Variants in SORCS2 observed in about 807,000 individuals in gnomAD.
SORCS2 encodes VPS10 domain-containing receptor SorCS2.
A neutral mutation model predicts 141.6 loss-of-function variants in SORCS2; 100 were observed. That is an observed-to-expected ratio of 0.71 (90% CI 0.60 to 0.83). SORCS2 has a LOEUF of 0.83. SORCS2 is among the 40% of genes least tolerant of loss of function. The probability of loss-of-function intolerance (pLI) is 0.00; values close to 1 mark genes in which losing one functional copy is unlikely to be tolerated. For synonymous variants in SORCS2, 789 were observed against 676.9 expected, an observed-to-expected ratio of 1.17 and a Z score of -2.57; for missense variants, 1,646 against 1,560.2, an observed-to-expected ratio of 1.05 and a Z score of -0.93.
At chr4:7,662,214 CT>C in intron 6 of SORCS2, among the ~76,000 whole-genome samples, 1 of 148,298 alleles carries the variant, frequency 6.7e-6, no homozygotes, top group African/African-American at 2.5e-5. Context: ...CTAGGTGTGG[CT>C]CCCCACCCTC....
chr4:7,727,245 CTT>C lies in SORCS2; in HGVS notation c.2869+343_2869+344del, dbSNP rs1285427130. 3.3e-5 allele frequency among the ~76,000 whole-genome samples: 5 copies of C among 152,370 alleles called. No homozygotes were observed. The East Asian group carries it at 9.6e-4, about 29-fold the overall frequency. On this transcript the variant is annotated intron_variant, in intron 21 of 26. Coordinates refer to ENST00000507866, the MANE Select transcript of SORCS2 (RefSeq NM_020777.3). ...TGCCTGCCTCCAGGGCCCCTGTCCTCTTGGCACCTCTGGCCAAGCCTGAGCAT... is the reference window on the plus strand; with the variant it reads ...TGCCTGCCTCCAGGGCCCCTGTCCTCGGCACCTCTGGCCAAGCCTGAGCAT...
At chr4:7,597,688 T>C (rs73216618) in intron 3 of SORCS2, among the ~76,000 whole-genome samples, 10 of 91,984 alleles carry the variant, frequency 1.1e-4, no homozygotes, top group Non-Finnish European at 1.9e-4. Context: ...GGCTACACAA[T>C]GGGAAGGAGG....
At chr4:7,721,494 C>A (rs1241973122) in intron 18 of SORCS2, among the ~76,000 whole-genome samples, 1 of 152,170 alleles carries the variant, frequency 6.6e-6, no homozygotes, top group South Asian at 2.1e-4. Context: ...ATACCTGCTT[C>A]AACCTGGATG....
chr4:7,488,325 G>C (rs1044573989), intron 2 of SORCS2, among the ~76,000 whole-genome samples: 1 of 152,240 alleles, frequency 6.6e-6, no homozygotes, highest in Admixed American at 6.5e-5. Context: ...TCTGTGGAGA[G>C]AGTCCTGCTC....
In SORCS2 at chr4:7,721,388, C is replaced by T. The variant is rs375592725; in HGVS notation, c.2425-2309C>T. ...GGCTGAGGCTCAAGAATCACTTGAA[C>T]CTGGGAGTCGGAGGTTGCAGTGAGC... On this transcript the variant is annotated intron_variant, in intron 18 of 26. Transcript: ENST00000507866. Among the ~76,000 whole-genome samples, 20 of 152,250 alleles carry T rather than the reference C, an allele frequency of 1.3e-4. No individual in the cohort carries two copies. The East Asian group carries it at 2.5e-3, about 19-fold the overall frequency.
chr4:7,401,991 T>C (rs1724624190), intron 2 of SORCS2, among the ~76,000 whole-genome samples: 1 of 152,192 alleles, frequency 6.6e-6, no homozygotes, highest in South Asian at 2.1e-4. Flanking sequence ...CAAATGAATG[T>C]TCACTAAATA....
intron 4 of SORCS2, among the ~76,000 whole-genome samples, chr4:7,651,806 G>A (rs1002510374): frequency 6.6e-6 from 1 of 152,216 alleles, no homozygotes; most frequent in Non-Finnish European, 1.5e-5. Context: ...GCCAGGGCCT[G>A]TTCCTCATGG....
chr4:7,336,774 T>G (rs3907645), intron 1 of SORCS2, among the ~76,000 whole-genome samples: 1,049 of 42,566 alleles, frequency 0.025, 54 homozygotes, highest in South Asian at 0.029. Flanking sequence ...CCTGAGCAGC[T>G]TGGGTGGCAG....
chr4:7,564,178 C>T (rs1405207165), intron 3 of SORCS2, among the ~76,000 whole-genome samples: 3 of 152,180 alleles, frequency 2.0e-5, no homozygotes, highest in Non-Finnish European at 2.9e-5. Flanking sequence ...AGCTTTAAAT[C>T]GCTGCTTTTC....
At chr4:7,708,680 C>T (rs1176521201) in intron 14 of SORCS2, among the ~76,000 whole-genome samples, 2 of 152,234 alleles carry the variant, frequency 1.3e-5, no homozygotes, top group African/African-American at 4.8e-5. Flanking sequence ...TGCAACGCAG[C>T]TTTAGTGAGC....
At chr4:7,506,737 C>G (rs1732299411) in intron 2 of SORCS2, among the ~76,000 whole-genome samples, 1 of 152,158 alleles carries the variant, frequency 6.6e-6, no homozygotes. Flanking sequence ...ACTAGTAGCC[C>G]AATAAACGTT....
At chr4:7,454,741 GCTGTGTTGGGGTCAGGCA>G (rs1657860031) in intron 2 of SORCS2, among the ~76,000 whole-genome samples, 2 of 118,034 alleles carry the variant, frequency 1.7e-5, no homozygotes, top group Non-Finnish European at 3.5e-5. Flanking sequence ...GGGGTCAGGT[GCTGTGTTGGGGTCAGGCA>G]CTGTGTTGGG....
chr4:7,255,083 C>T (rs934151434), intron 1 of SORCS2, among the ~76,000 whole-genome samples: 1 of 151,944 alleles, frequency 6.6e-6, no homozygotes, highest in Non-Finnish European at 1.5e-5. Flanking sequence ...GTGACAGAGT[C>T]CAGAAGGCAG....
In SORCS2 at chr4:7,580,335, A is replaced by AC. The variant is rs1273175036; in HGVS notation, c.648+48707dup. 2.0e-5 allele frequency among the ~76,000 whole-genome samples: 3 copies of AC among 152,192 alleles called. No individual in the cohort carries two copies. The East Asian group carries it at 5.8e-4, about 29-fold the overall frequency. ...CATCTCTACTAAAAAGATGCAGAAA[A>AC]CAAAAATAGCTAAGCATGGTGGTGC... On this transcript the variant is annotated intron_variant, in intron 3 of 26. Coordinates refer to ENST00000507866, the MANE Select transcript of SORCS2 (RefSeq NM_020777.3).
intron 7 of SORCS2, 101 bp from the exon 8 acceptor site, chr4:7,667,023 G>A (rs1722545284): frequency 3.8e-6 from 4 of 1,048,212 alleles, no homozygotes; most frequent in African/African-American, 1.6e-5. Context: ...AAGTAAAAGG[G>A]CATTTTCACT....
intron 19 of SORCS2, among the ~76,000 whole-genome samples, chr4:7,724,935 GTGGTGA>G (rs1307113659): frequency 1.7e-5 from 1 of 59,426 alleles, no homozygotes; most frequent in Non-Finnish European, 3.2e-5. Context: ...GGTGGTAGTA[GTGGTGA>G]TGGTGGTGGT....
chr4:7,269,941 G>A (rs536575193), intron 1 of SORCS2, among the ~76,000 whole-genome samples: 1 of 152,300 alleles, frequency 6.6e-6, no homozygotes, highest in East Asian at 1.9e-4. Context: ...GTGCAGTGGC[G>A]AGATCTTGGC....
intron 3 of SORCS2, among the ~76,000 whole-genome samples, chr4:7,535,630 G>A (rs1478819409): frequency 6.6e-6 from 1 of 152,232 alleles, no homozygotes; most frequent in East Asian, 1.9e-4. Flanking sequence ...TGAGTTACTC[G>A]TGTGACCCAC....
At chr4:7,515,398 C>A (rs1577683120) in intron 2 of SORCS2, among the ~76,000 whole-genome samples, 1 of 152,230 alleles carries the variant, frequency 6.6e-6, no homozygotes, top group African/African-American at 2.4e-5. Context: ...TGGGGCTGGG[C>A]AGGGCACTGG....
Sources: gnomAD v4.1 joint callset for allele counts (sites outside exome capture counted in the v4.1 genomes callset) on GRCh38, gnomAD v4.1.1 for gene constraint, MANE v1.5 for transcripts, NCBI Gene and HGNC (gene_info 2026-07-23, HGNC 2026-07-21) for gene names.